DMXL1: variants seen among roughly 807,000 people sequenced by gnomAD.
DMXL1 encodes Dmx like 1.
DMXL1 carries 99 observed loss-of-function variants against 319.2 expected under a neutral mutation model. The observed-to-expected ratio is 0.31, with a 90% CI of 0.26 to 0.37. The LOEUF is 0.37. DMXL1 is among the 10% of genes least tolerant of loss of function. The pLI, the probability that DMXL1 is intolerant of heterozygous loss-of-function variation, is 1.00. For missense variants in DMXL1, 3,745 were observed against 3,595.6 expected (o/e 1.04, Z -1.06); for synonymous variants, 1,385 against 1,235.2 (o/e 1.12, Z -2.54).
chr5:119,078,351 C>T (rs1450218102), intron 1 of DMXL1, among the ~76,000 whole-genome samples: 1 of 152,056 alleles, frequency 6.6e-6, no homozygotes, highest in Admixed American at 6.6e-5. Context: ...TTTAGTATGC[C>T]CTTTTCTTTT....
At chr5:119,079,986 G>A (rs1424748133) in intron 1 of DMXL1, among the ~76,000 whole-genome samples, 1 of 152,164 alleles carries the variant, frequency 6.6e-6, no homozygotes, top group Non-Finnish European at 1.5e-5. Flanking sequence ...CTGTGATGGT[G>A]AGATCCCTGT....
intron 6 of DMXL1, 36 bp from the exon 7 acceptor site, chr5:119,116,122 C>A: frequency 6.4e-7 from 1 of 1,553,532 alleles, no homozygotes; most frequent in South Asian, 1.2e-5. Flanking sequence ...TAATTCTGAT[C>A]TCCATGATTT....
At chr5:119,130,747 A>G (rs573715568) in intron 10 of DMXL1, among the ~76,000 whole-genome samples, 224 of 152,322 alleles carry the variant, frequency 1.5e-3, no homozygotes, top group Non-Finnish European at 2.0e-3. Flanking sequence ...CAGGTCTTCT[A>G]TTGATAAACA....
Position 119,170,998 on chromosome 5 carries a change from T to C in DMXL1, c.6207T>C (p.Ala2069=). The change falls in exon 24 of 44, where the codon GCT becomes GCC. Residue 2069 remains alanine (A), a synonymous_variant. Coordinates refer to ENST00000539542, the MANE Select transcript of DMXL1 (RefSeq NM_001290321.3). ...ACTGGCTTGAAAAAGAGGTGATAGC[T>C]CTTCAGAGGACTTGTGACTTTTGCT... ...LYHWLEKEVI[A]LQRTCDFCSD... The C allele has an allele frequency of 6.2e-7, 1 of 1,613,892 alleles. No individual in the cohort carries two copies. Among genetic ancestry groups the C allele is most frequent in the South Asian group, 1.1e-5 (1 of 91,064 alleles).
chr5:119,207,855 A>T (rs2150492378), intron 34 of DMXL1, among the ~76,000 whole-genome samples: 1 of 152,140 alleles, frequency 6.6e-6, no homozygotes, highest in Non-Finnish European at 1.5e-5. Context: ...TTAATATTTA[A>T]CTCATGTTTT....
Position 119,186,551 on chromosome 5 carries a change from T to C in DMXL1, c.7136-3157T>C, listed in dbSNP as rs140231482. Among the ~76,000 whole-genome samples, 525 of 152,348 alleles carry C rather than the reference T, an allele frequency of 3.4e-3. 3 individuals carry two copies. The highest frequency in any genetic ancestry group is 0.012 in the African/African-American group (517 of 41,568). ...AGAATATTAATTTCATTGTGCTGAT[T>C]TTAAATGATAAACTGAAAAGTAAAT... On this transcript the variant is annotated intron_variant, in intron 28 of 43. Coordinates refer to ENST00000539542, the MANE Select transcript of DMXL1 (RefSeq NM_001290321.3).
intron 38 of DMXL1, 107 bp from the exon 39 acceptor site, chr5:119,233,232 AG>A: frequency 8.9e-7 from 1 of 1,118,456 alleles, no homozygotes; most frequent in African/African-American, 1.6e-5. Flanking sequence ...AATTTATATA[AG>A]TTGATTTAGA....
chr5:119,097,869 T>C, intron 1 of DMXL1, 110 bp from the exon 2 acceptor site: 4 of 1,054,408 alleles, frequency 3.8e-6, no homozygotes, highest in South Asian at 3.4e-5. Context: ...AAAATTGGTC[T>C]TTTAAAACAT....
intron 33 of DMXL1, among the ~76,000 whole-genome samples, chr5:119,203,993 T>G (rs1781299783): frequency 6.6e-6 from 1 of 151,728 alleles, no homozygotes; most frequent in Non-Finnish European, 1.5e-5. Context: ...CAACTAATTT[T>G]TTGTATTTTT....
chr5:119,128,623 GT>G (rs1764125558), intron 9 of DMXL1, among the ~76,000 whole-genome samples: 3 of 152,200 alleles, frequency 2.0e-5, no homozygotes, highest in Admixed American at 2.0e-4. Context: ...TGATGTGTCA[GT>G]GTAGATTCAT....
At chr5:119,233,308 A>G in intron 38 of DMXL1, 32 bp from the exon 39 acceptor site, 1 of 1,591,598 alleles carries the variant, frequency 6.3e-7, no homozygotes, top group Non-Finnish European at 8.5e-7. Context: ...TTCTTGAAAT[A>G]AATCTGCAAT....
intron 1 of DMXL1, among the ~76,000 whole-genome samples, chr5:119,083,197 T>C (rs1752610191): frequency 2.6e-5 from 4 of 152,166 alleles, no homozygotes; most frequent in South Asian, 4.2e-4. Context: ...TACACACATA[T>C]ATATTTTTTA....
intron 2 of DMXL1, 65 bp from the exon 3 acceptor site, chr5:119,101,870 T>G: frequency 1.9e-6 from 2 of 1,056,870 alleles, no homozygotes; most frequent in Non-Finnish European, 2.8e-6. Context: ...ATTCATTTCT[T>G]TGCTTTTTTT....
chr5:119,204,808 T>G (rs912227666), intron 33 of DMXL1, among the ~76,000 whole-genome samples: 1 of 152,170 alleles, frequency 6.6e-6, no homozygotes, highest in African/African-American at 2.4e-5. Context: ...TTTGTACAGT[T>G]TTTGAAGTTG....
At chr5:119,182,523 A>G (rs1776959600) in intron 28 of DMXL1, among the ~76,000 whole-genome samples, 1 of 152,076 alleles carries the variant, frequency 6.6e-6, no homozygotes, top group Non-Finnish European at 1.5e-5. Flanking sequence ...TTGGATTTAA[A>G]TTTTCTTTGC....
Position 119,167,704 on chromosome 5 carries a change from T to C in DMXL1, c.5238T>C (p.Arg1746=). ...DTSAAYKSIL[R]KKVLGIDSPV... ...CTGCAGCATATAAATCTATTTTACG[T>C]AAAAAAGTTTTGGGAATCGATTCTC... Residue 1746 remains arginine, a synonymous_variant, in exon 23 of 44, where the codon CGT becomes CGC. Transcript: ENST00000539542. 1 of 1,613,692 alleles carries C rather than the reference T, an allele frequency of 6.2e-7. No individual in the cohort carries two copies. Among genetic ancestry groups the C allele is most frequent in the Non-Finnish European group, 8.5e-7 (1 of 1,179,746 alleles).
At chr5:119,180,536 C>A (rs1438669305) in intron 28 of DMXL1, among the ~76,000 whole-genome samples, 1 of 152,154 alleles carries the variant, frequency 6.6e-6, no homozygotes, top group Non-Finnish European at 1.5e-5. Context: ...TCTTCTTATG[C>A]ACATCAGATT....
At chr5:119,188,600 G>A (rs1381092415) in intron 28 of DMXL1, among the ~76,000 whole-genome samples, 1 of 152,162 alleles carries the variant, frequency 6.6e-6, no homozygotes, top group East Asian at 1.9e-4. Context: ...AAACTTGATT[G>A]TTGGTTATCA....
At chr5:119,179,570 T>C (rs922274002) in intron 28 of DMXL1, among the ~76,000 whole-genome samples, 2 of 152,196 alleles carry the variant, frequency 1.3e-5, no homozygotes, top group Non-Finnish European at 2.9e-5. Flanking sequence ...TTGATGAATA[T>C]TCTTTGAATG....
Sources: allele counts gnomAD v4.1 joint callset (sites outside exome capture counted in the v4.1 genomes callset), GRCh38; gene constraint gnomAD v4.1.1; transcripts MANE v1.5; gene names NCBI Gene and HGNC (gene_info 2026-07-23, HGNC 2026-07-21).